Variants in CAST observed in about 807,000 individuals in gnomAD.
CAST encodes the protein MIR583 host.
Under a neutral mutation model 119.6 loss-of-function variants are expected in CAST, and 76 were observed. The observed-to-expected ratio is 0.64, with a 90% CI of 0.53 to 0.77. CAST has a LOEUF of 0.77. CAST is among the 30% of genes least tolerant of loss of function. The pLI is 0.00. For missense variants in CAST, 953 were observed against 946.5 expected (o/e 1.01, Z -0.09); for synonymous variants, 319 against 331.6 (o/e 0.96, Z 0.41).
At chr5:96,181,295 A>T in the CAST span, among the ~76,000 whole-genome samples, 2 of 152,202 alleles carry the variant, frequency 1.3e-5, no homozygotes, top group Non-Finnish European at 2.9e-5. Context: ...CTCCCTCAGG[A>T]GTCACTGCAA....
the CAST span, among the ~76,000 whole-genome samples, chr5:96,309,592 T>C: frequency 6.6e-6 from 1 of 152,152 alleles, no homozygotes; most frequent in African/African-American, 2.4e-5. Flanking sequence ...ATAGGCACCG[T>C]AGGGAATCTC....
intron 3 of CAST, among the ~76,000 whole-genome samples, chr5:96,714,149 C>T (rs559895739): frequency 6.6e-6 from 1 of 152,266 alleles, no homozygotes; most frequent in East Asian, 1.9e-4. Context: ...TCATTTAATC[C>T]TCACTGCTAG....
At chr5:96,653,704 A>T (rs2150205423) in intron 1 of CAST, among the ~76,000 whole-genome samples, 1 of 152,288 alleles carries the variant, frequency 6.6e-6, no homozygotes, top group South Asian at 2.1e-4. Context: ...ATCTTAACCC[A>T]ATATTTAGAA....
chr5:96,750,872 T>A (rs1408597244), intron 20 of CAST, among the ~76,000 whole-genome samples, 190 bp downstream of exon 20: 1 of 152,236 alleles, frequency 6.6e-6, no homozygotes, highest in Non-Finnish European at 1.5e-5. Flanking sequence ...AAGATTTAAA[T>A]TTTTAATTAA....
chr5:96,726,863 ATGT>A lies in CAST; in HGVS notation c.336+9_336+11del. 1 of 1,606,670 alleles carries A rather than the reference ATGT, an allele frequency of 6.2e-7. No individual in the cohort carries two copies. Among genetic ancestry groups the A allele is most frequent in the Non-Finnish European group, 8.5e-7 (1 of 1,173,502 alleles). Reference sequence around the variant, plus strand: ...CAAGAAAAAACACAAAAAACAGGTGATGTTGTTCATTGTACTAGGGCATCTCTG... The same window carrying A: ...CAAGAAAAAACACAAAAAACAGGTGATGTTCATTGTACTAGGGCATCTCTG... On this transcript the variant is annotated splice_donor_5th_base_variant and intron_variant, in intron 5 of 31. Transcript: ENST00000675179.
At position 96,675,573 on chromosome 5, in the gene CAST, A is replaced by G. The variant is rs759506173; in HGVS notation, c.110A>G (p.Lys37Arg). The G allele has an allele frequency of 1.9e-6, 3 of 1,613,624 alleles. No homozygotes were observed. Among genetic ancestry groups the G allele is most frequent in the Middle Eastern group, 1.7e-4 (1 of 6,060 alleles). Residue 37 changes from lysine (K) to arginine (R), a missense_variant, in exon 2 of 32, where the codon AAA becomes AGA. Physicochemically the swap from Lys to Arg is conservative, Grantham distance 26. Transcript: ENST00000675179. ...GAAAAAACCAGTGAATCGCCTTCCA[A>G]ACCAGGAGAAAAGAAAGGATCAGAT... ...VSEKTSESPS[K>R]PGEKKGSDEK... is the part of the protein sequence containing the mutation.
the CAST span, among the ~76,000 whole-genome samples, chr5:96,445,408 A>G: frequency 2.0e-5 from 3 of 152,186 alleles, no homozygotes; most frequent in Admixed American, 2.0e-4. Flanking sequence ...GAAAGGCTTT[A>G]TGTAGCAACT....
chr5:96,078,266 C>G, the CAST span, among the ~76,000 whole-genome samples: 3 of 152,114 alleles, frequency 2.0e-5, no homozygotes, highest in Non-Finnish European at 4.4e-5. Context: ...GGGAGAGACA[C>G]AAACATTTAG....
chr5:96,543,114 T>C (rs1479921731), intron 1 of CAST, among the ~76,000 whole-genome samples: 3 of 152,110 alleles, frequency 2.0e-5, no homozygotes, highest in Non-Finnish European at 4.4e-5. Flanking sequence ...TTTACAATAA[T>C]AAACACTCGG....
At chr5:96,393,212 G>A in the CAST span, 15 of 1,614,136 alleles carry the variant, frequency 9.3e-6, no homozygotes, top group Non-Finnish European at 1.2e-5. Flanking sequence ...CTTCTTTGGT[G>A]ATTGCTTTGG....
intron 24 of CAST, chr5:96,761,651 G>T (rs1446547286): frequency 6.6e-6 from 1 of 152,032 alleles, no homozygotes. Context: ...GGGAGTATTT[G>T]AAATGAAGCA....
the CAST span, among the ~76,000 whole-genome samples, chr5:96,502,328 T>C: frequency 6.7e-6 from 1 of 150,224 alleles, no homozygotes; most frequent in Non-Finnish European, 1.5e-5. Context: ...TTGTTTATAT[T>C]ATTATTTGAA....
chr5:96,493,788 C>T, the CAST span, among the ~76,000 whole-genome samples: 2 of 152,158 alleles, frequency 1.3e-5, no homozygotes, highest in Admixed American at 6.5e-5. Flanking sequence ...CCTGTAATCC[C>T]AGCACTTTGG....
intron 3 of CAST, among the ~76,000 whole-genome samples, chr5:96,721,188 G>T (rs922542740): frequency 6.6e-6 from 1 of 152,130 alleles, no homozygotes; most frequent in East Asian, 1.9e-4. Context: ...GGGGCTTCTT[G>T]TATGTGTGCG....
intron 1 of CAST, among the ~76,000 whole-genome samples, chr5:96,654,228 T>C (rs1420981087): frequency 2.6e-5 from 4 of 152,012 alleles, no homozygotes; most frequent in Admixed American, 2.6e-4. Context: ...GATTTCACCA[T>C]ATTGGCCAAG....
Position 96,652,229 on chromosome 5 carries a change from G to T in CAST, c.61-23310G>T, listed in dbSNP as rs1289944174. Among the ~76,000 whole-genome samples, 8 of 152,172 alleles carry T rather than the reference G, an allele frequency of 5.3e-5. No homozygotes were observed. The East Asian group carries it at 1.5e-3, about 29-fold the overall frequency. On this transcript the variant is annotated intron_variant, in intron 1 of 11. Transcript: ENST00000505143. ...AAACGAGGTCCAGACCAACCCTTAG[G>T]TATCTTCCAACCTAGGTTGTAATAA...
the CAST span, among the ~76,000 whole-genome samples, chr5:96,284,853 C>T: frequency 6.6e-6 from 1 of 152,104 alleles, no homozygotes; most frequent in Admixed American, 6.6e-5. Context: ...TCTTTTTTAT[C>T]TTAAATGAGT....
At chr5:96,037,188 CCT>C in the CAST span, among the ~76,000 whole-genome samples, 1 of 152,100 alleles carries the variant, frequency 6.6e-6, no homozygotes, top group Admixed American at 6.6e-5. Flanking sequence ...AGAATGGAGA[CCT>C]GTGTTCCCCA....
intron 1 of CAST, among the ~76,000 whole-genome samples, chr5:96,534,714 G>GGAAGGAAGGAAGGAGA (rs1554066221): frequency 7.2e-5 from 1 of 13,966 alleles, no homozygotes; most frequent in African/African-American, 1.8e-4. Flanking sequence ...AAGGAAGGAA[G>GGAAGGAAGGAAGGAGA]GAGAGAGAGA....
Sources: gnomAD v4.1 joint callset for allele counts (sites outside exome capture counted in the v4.1 genomes callset) on GRCh38, gnomAD v4.1.1 for gene constraint, MANE v1.5 for transcripts, NCBI Gene and HGNC (gene_info 2026-07-23, HGNC 2026-07-21) for gene names.